Variants in ADCY8 observed in about 807,000 individuals in gnomAD.
ADCY8 encodes adenylate cyclase 8.
A neutral mutation model predicts 119.7 loss-of-function variants in ADCY8; 51 were observed. The observed-to-expected ratio is 0.43, with a 90% CI of 0.34 to 0.54. ADCY8 has a LOEUF of 0.54. ADCY8 is among the 20% of genes least tolerant of loss of function. The pLI is 0.03. For missense variants in ADCY8, 1,383 were observed against 1,598.8 expected (o/e 0.87, Z 2.30); for synonymous variants, 665 against 651.0 (o/e 1.02, Z -0.33).
At chr8:130,905,868 T>C (rs1819767122) in intron 6 of ADCY8, among the ~76,000 whole-genome samples, 1 of 152,096 alleles carries the variant, frequency 6.6e-6, no homozygotes, top group East Asian at 1.9e-4. Flanking sequence ...TTAGAAAAAA[T>C]AAATAAATTC....
At chr8:131,023,601 C>T (rs754244791) in intron 1 of ADCY8, among the ~76,000 whole-genome samples, 6 of 152,082 alleles carry the variant, frequency 3.9e-5, no homozygotes, top group African/African-American at 2.4e-5. Flanking sequence ...ATCTTTTGTT[C>T]GTCCTATTTG....
At chr8:130,828,614 C>T (rs959419469) in intron 12 of ADCY8, among the ~76,000 whole-genome samples, 1 of 152,182 alleles carries the variant, frequency 6.6e-6, no homozygotes, top group African/African-American at 2.4e-5. Context: ...CCAATTCTCC[C>T]TTTTTGTGCC....
At chr8:130,910,576 G>A (rs1819952437) in intron 5 of ADCY8, among the ~76,000 whole-genome samples, 1 of 152,144 alleles carries the variant, frequency 6.6e-6, no homozygotes, top group South Asian at 2.1e-4. Flanking sequence ...TGTGGTCTCT[G>A]AAATAGAGTG....
chr8:130,921,449 C>CTTTTTTTTTTTTTT (rs35570520), intron 5 of ADCY8, among the ~76,000 whole-genome samples: 2 of 107,656 alleles, frequency 1.9e-5, no homozygotes, highest in South Asian at 2.8e-4. Flanking sequence ...TTTTTCTTTT[C>CTTTTTTTTTTTTTT]TTTTTTTTTT....
intron 5 of ADCY8, among the ~76,000 whole-genome samples, chr8:130,926,940 C>CATATATATATATATAGATATATAT (rs1820487543): frequency 6.9e-6 from 1 of 145,068 alleles, no homozygotes; most frequent in African/African-American, 2.6e-5. Flanking sequence ...TATTCCATTA[C>CATATATATATATATAGATATATAT]ATATATATAT....
chr8:130,860,031 TTTG>T (rs919033257), intron 9 of ADCY8, among the ~76,000 whole-genome samples: 1 of 152,152 alleles, frequency 6.6e-6, no homozygotes, highest in African/African-American at 2.4e-5. Flanking sequence ...CCACAGAGTT[TTTG>T]TTGTTGTTGT....
At chr8:131,006,833 G>A (rs1387311798) in intron 1 of ADCY8, among the ~76,000 whole-genome samples, 4 of 152,192 alleles carry the variant, frequency 2.6e-5, no homozygotes, top group African/African-American at 4.8e-5. Flanking sequence ...AAAGGCATGG[G>A]TGAGTGCCAA....
chr8:131,040,450 C>T lies in ADCY8; in HGVS notation c.-117G>A. 7.8e-7 allele frequency: 1 copy of T among 1,288,636 alleles called. No individual in the cohort carries two copies. Among genetic ancestry groups the T allele is most frequent in the Non-Finnish European group, 1.0e-6 (1 of 1,000,738 alleles). The allele number at this position is 1,288,636 out of a possible 1,614,324, so 79.8% of individuals were successfully genotyped here. ...TGGCAAGGATCCTTTTTATCCTAGGCTGCCCCGTTGCAGGAGCCCTGCGCT... is the reference window on the plus strand; with the variant it reads ...TGGCAAGGATCCTTTTTATCCTAGGTTGCCCCGTTGCAGGAGCCCTGCGCT... On this transcript the variant is annotated 5_prime_UTR_variant, in exon 1 of 18. Coordinates refer to ENST00000286355, the MANE Select transcript of ADCY8 (RefSeq NM_001115.3).
At chr8:130,831,597 G>A (rs765132035) in intron 12 of ADCY8, among the ~76,000 whole-genome samples, 3 of 152,168 alleles carry the variant, frequency 2.0e-5, no homozygotes, top group Non-Finnish European at 4.4e-5. Flanking sequence ...CCCATGGTTC[G>A]AATACAGCCT....
At chr8:131,035,537 T>C (rs1038790425) in intron 1 of ADCY8, among the ~76,000 whole-genome samples, 1 of 152,046 alleles carries the variant, frequency 6.6e-6, no homozygotes, top group Non-Finnish European at 1.5e-5. Context: ...AAGCAAATGG[T>C]GATTCAATAA....
chr8:131,006,840 C>T (rs925349067), intron 1 of ADCY8, among the ~76,000 whole-genome samples: 4 of 152,176 alleles, frequency 2.6e-5, no homozygotes, highest in African/African-American at 9.7e-5. Flanking sequence ...TGGGTGAGTG[C>T]CAAGGCCAGA....
chr8:131,017,837 C>A (rs967076638), intron 1 of ADCY8, among the ~76,000 whole-genome samples: 1 of 151,856 alleles, frequency 6.6e-6, no homozygotes, highest in Non-Finnish European at 1.5e-5. Context: ...AAAAAAAAAT[C>A]CCACTAGGAG....
At chr8:130,844,048 A>T (rs1045398588) in intron 11 of ADCY8, among the ~76,000 whole-genome samples, 1 of 152,206 alleles carries the variant, frequency 6.6e-6, no homozygotes, top group Non-Finnish European at 1.5e-5. Flanking sequence ...TCACATCTCT[A>T]TGGAAAAATG....
chr8:130,890,256 C>T (rs1006806102), intron 7 of ADCY8, among the ~76,000 whole-genome samples: 8 of 151,766 alleles, frequency 5.3e-5, no homozygotes, highest in African/African-American at 1.2e-4. Flanking sequence ...ATGTAAATGA[C>T]GAGTTAATGG....
intron 15 of ADCY8, among the ~76,000 whole-genome samples, chr8:130,788,292 C>T (rs376496827): frequency 1.3e-5 from 2 of 152,140 alleles, no homozygotes; most frequent in South Asian, 2.1e-4. Context: ...ATATACACAA[C>T]GGAATACTAT....
chr8:130,820,796 CTT>C (rs1004313395), intron 13 of ADCY8, among the ~76,000 whole-genome samples: 1 of 152,198 alleles, frequency 6.6e-6, no homozygotes, highest in African/African-American at 2.4e-5. Context: ...GTAACGAAGT[CTT>C]TATTATAAAC....
chr8:130,834,046 C>CGTGCT (rs1262364862), intron 12 of ADCY8, among the ~76,000 whole-genome samples: 4 of 151,898 alleles, frequency 2.6e-5, no homozygotes, highest in Non-Finnish European at 4.4e-5. Context: ...GTAGATCTTA[C>CGTGCT]GTGCTGTCAC....
intron 9 of ADCY8, among the ~76,000 whole-genome samples, chr8:130,855,066 G>A (rs2130342499): frequency 6.6e-6 from 1 of 150,948 alleles, no homozygotes; most frequent in African/African-American, 2.4e-5. Flanking sequence ...CTGTGGGCAT[G>A]TGGAAATTAA....
At chr8:130,993,310 C>T (rs994472183) in intron 1 of ADCY8, among the ~76,000 whole-genome samples, 1 of 152,008 alleles carries the variant, frequency 6.6e-6, no homozygotes, top group Non-Finnish European at 1.5e-5. Flanking sequence ...GTATACACTG[C>T]AAAATAAGAT....
Sources: gnomAD v4.1 joint callset for allele counts (sites outside exome capture counted in the v4.1 genomes callset) on GRCh38, gnomAD v4.1.1 for gene constraint, MANE v1.5 for transcripts, NCBI Gene and HGNC (gene_info 2026-07-23, HGNC 2026-07-21) for gene names.